The following ROR2 variants were observed in gnomAD, a reference collection of about 807,000 sequenced individuals.
ROR2 encodes tyrosine-protein kinase transmembrane receptor ROR2.
ROR2 carries 33 observed loss-of-function variants against 74.9 expected under a neutral mutation model. The observed-to-expected ratio is 0.44, with a 90% CI of 0.33 to 0.59. The LOEUF is 0.59. Among genes scored for constraint, ROR2 ranks in the 20% least tolerant of loss-of-function variants. ROR2 has a pLI of 0.02. For missense variants in ROR2, 1,216 were observed against 1,313.8 expected, an observed-to-expected ratio of 0.93 and a Z score of 1.15; for synonymous variants, 586 against 558.7, an observed-to-expected ratio of 1.05 and a Z score of -0.69.
At chr9:91,777,438 GTTA>G (rs1302247431) in intron 1 of ROR2, among the ~76,000 whole-genome samples, 30 of 151,550 alleles carry the variant, frequency 2.0e-4, no homozygotes, top group African/African-American at 7.0e-4. Flanking sequence ...TCATCAAAAT[GTTA>G]TTATTAGTTA....
chr9:91,949,999 TTCGGGCCGGGGC>T lies in ROR2; in HGVS notation c.-48_-37del. 1.7e-6 allele frequency: 2 copies of T among 1,196,698 alleles called. No individual in the cohort carries two copies. Among genetic ancestry groups the T allele is most frequent in the South Asian group, 1.9e-5 (1 of 52,070 alleles). 74.1% of individuals were successfully genotyped at this position (1,196,698 alleles called of 1,614,324 possible). A position where few individuals can be genotyped will look rare whatever the true frequency, so the allele number is the denominator to read the frequency against. On this transcript the variant is annotated 5_prime_UTR_variant, in exon 1 of 9. Coordinates refer to ENST00000375708, the MANE Select transcript of ROR2 (RefSeq NM_004560.4). ...GTGGGGGCCGGGAAGCCCTCAGAGCTTCGGGCCGGGGCGCGGGGTCGGGCGCCACCACCCCTT... is the reference window on the plus strand; with the variant it reads ...GTGGGGGCCGGGAAGCCCTCAGAGCTGCGGGGTCGGGCGCCACCACCCCTT...
At chr9:91,880,688 T>C (rs1411416449) in intron 1 of ROR2, among the ~76,000 whole-genome samples, 1 of 152,232 alleles carries the variant, frequency 6.6e-6, no homozygotes, top group Non-Finnish European at 1.5e-5. Flanking sequence ...TACAACATTG[T>C]TTCTGCAATG....
intron 1 of ROR2, chr9:91,923,945 G>A (rs1831333493): frequency 1.3e-5 from 2 of 152,262 alleles, no homozygotes; most frequent in South Asian, 2.1e-4. Flanking sequence ...TGAGAGCCGA[G>A]GAGAAATCAG....
intron 8 of ROR2, among the ~76,000 whole-genome samples, 163 bp from the exon 9 acceptor site, chr9:91,725,270 A>C (rs1474416248): frequency 1.3e-5 from 2 of 151,864 alleles, no homozygotes; most frequent in Non-Finnish European, 2.9e-5. Context: ...GCCCACCCAC[A>C]GCTCTCTAGT....
At chr9:91,824,264 C>A (rs907528175) in intron 1 of ROR2, among the ~76,000 whole-genome samples, 3 of 152,240 alleles carry the variant, frequency 2.0e-5, no homozygotes, top group Non-Finnish European at 4.4e-5. Flanking sequence ...CTGGGCATTA[C>A]ATCCAAGCCC....
chr9:91,736,275 C>T (rs1310639353), intron 5 of ROR2, among the ~76,000 whole-genome samples: 1 of 152,204 alleles, frequency 6.6e-6, no homozygotes, highest in Non-Finnish European at 1.5e-5. Flanking sequence ...GCACATGGGC[C>T]AGGCAGTCTC....
At chr9:91,919,381 A>T (rs961671275) in intron 1 of ROR2, among the ~76,000 whole-genome samples, 1 of 152,170 alleles carries the variant, frequency 6.6e-6, no homozygotes, top group Non-Finnish European at 1.5e-5. Flanking sequence ...TTCATTCAGG[A>T]TAAATTCACA....
At chr9:91,771,482 G>A (rs948676521) in intron 2 of ROR2, among the ~76,000 whole-genome samples, 35 of 152,176 alleles carry the variant, frequency 2.3e-4, no homozygotes, top group African/African-American at 8.2e-4. Context: ...TATGTCTCCT[G>A]GACGTCTAAT....
intron 1 of ROR2, among the ~76,000 whole-genome samples, chr9:91,889,853 CG>C (rs1052978152): frequency 2.0e-5 from 3 of 152,192 alleles, no homozygotes; most frequent in African/African-American, 7.2e-5. Context: ...CTGACCCACA[CG>C]GAAGACACAC....
intron 1 of ROR2, chr9:91,886,644 C>G (rs1020178338): frequency 6.6e-6 from 1 of 152,234 alleles, no homozygotes; most frequent in Non-Finnish European, 1.5e-5. Context: ...CTGACCACAC[C>G]GCCTCTACTC....
chr9:91,866,181 G>A (rs1175526408), intron 1 of ROR2, among the ~76,000 whole-genome samples: 3 of 147,616 alleles, frequency 2.0e-5, no homozygotes, highest in Admixed American at 6.7e-5. Context: ...GTGCAGTGGC[G>A]CAATCTCAGC....
At chr9:91,914,738 C>T (rs943141663) in intron 1 of ROR2, among the ~76,000 whole-genome samples, 65 of 152,272 alleles carry the variant, frequency 4.3e-4, no homozygotes, top group Admixed American at 3.3e-3. Context: ...CAAAGGCAAC[C>T]GTGATTGCCA....
chr9:91,770,644 T>C (rs1826197409), intron 2 of ROR2, among the ~76,000 whole-genome samples: 1 of 152,184 alleles, frequency 6.6e-6, no homozygotes, highest in African/African-American at 2.4e-5. Flanking sequence ...AAAAGTAACT[T>C]TCTGTGGGGT....
intron 8 of ROR2, among the ~76,000 whole-genome samples, chr9:91,726,074 G>T: frequency 6.6e-6 from 1 of 152,230 alleles, no homozygotes; most frequent in East Asian, 1.9e-4. Flanking sequence ...GCTGCTCTGG[G>T]ATGAGGGGTG....
chr9:91,875,297 G>C (rs1372401765), intron 1 of ROR2, among the ~76,000 whole-genome samples: 2 of 152,152 alleles, frequency 1.3e-5, no homozygotes, highest in African/African-American at 4.8e-5. Context: ...ACAAACATCT[G>C]GTAATAGGGA....
chr9:91,798,981 C>T (rs1827284144), intron 1 of ROR2, among the ~76,000 whole-genome samples: 1 of 152,082 alleles, frequency 6.6e-6, no homozygotes, highest in South Asian at 2.1e-4. Context: ...TGGAGACTTG[C>T]GATTAAGAAT....
At chr9:91,939,200 A>G (rs533950004) in intron 1 of ROR2, among the ~76,000 whole-genome samples, 1 of 151,976 alleles carries the variant, frequency 6.6e-6, no homozygotes, top group Non-Finnish European at 1.5e-5. Context: ...CAGTGAGCCA[A>G]GATTGCGCCA....
chr9:91,739,851 C>A (rs181018401), intron 4 of ROR2, among the ~76,000 whole-genome samples: 1 of 152,328 alleles, frequency 6.6e-6, no homozygotes, highest in East Asian at 1.9e-4. Context: ...TGATTAGACA[C>A]TGGCCACACT....
intron 1 of ROR2, among the ~76,000 whole-genome samples, chr9:91,882,083 T>A (rs1446695919): frequency 1.3e-5 from 2 of 152,034 alleles, no homozygotes; most frequent in African/African-American, 4.8e-5. Flanking sequence ...CGACCTTGAA[T>A]GAGAACCCAG....
Sources: gnomAD v4.1 joint callset for allele counts (sites outside exome capture counted in the v4.1 genomes callset) on GRCh38, gnomAD v4.1.1 for gene constraint, MANE v1.5 for transcripts, NCBI Gene and HGNC (gene_info 2026-07-23, HGNC 2026-07-21) for gene names.